The following NCOA7 variants were observed in gnomAD, a reference collection of about 807,000 sequenced individuals.
NCOA7 encodes the protein 140 kDa estrogen receptor-associated protein.
A neutral mutation model predicts 104.3 loss-of-function variants in NCOA7; 45 were observed. The ratio of observed to expected loss-of-function variants is 0.43; its 90% CI spans 0.34 to 0.55. NCOA7 has a LOEUF of 0.55. Ranked by LOEUF, NCOA7 falls within the 20% of genes least tolerant of loss-of-function variation. The probability of loss-of-function intolerance (pLI) is 0.02; values close to 1 mark genes in which losing one functional copy is unlikely to be tolerated. For synonymous variants in NCOA7, 398 were observed against 402.3 expected, an observed-to-expected ratio of 0.99 and a Z score of 0.13; for missense variants, 1,041 against 1,119.7, an observed-to-expected ratio of 0.93 and a Z score of 1.00.
intron 3 of NCOA7, among the ~76,000 whole-genome samples, chr6:125,868,907 G>T (rs1782649979): frequency 6.6e-6 from 1 of 152,188 alleles, no homozygotes; most frequent in Non-Finnish European, 1.5e-5. Context: ...GGAGGAGAGA[G>T]CTGGTCGTTC....
At chr6:125,845,717 A>G (rs1360976247) in intron 2 of NCOA7, among the ~76,000 whole-genome samples, 5 of 152,176 alleles carry the variant, frequency 3.3e-5, no homozygotes, top group African/African-American at 1.2e-4. Context: ...CAGTGAGCCA[A>G]GATCGCGCCA....
At chr6:125,928,456 C>T (rs910212978) in intron 15 of NCOA7, among the ~76,000 whole-genome samples, 180 bp from the exon 16 acceptor site, 10 of 152,110 alleles carry the variant, frequency 6.6e-5, no homozygotes, top group East Asian at 5.8e-4. Context: ...ACTGTTACCA[C>T]TTGTCTTTTA....
Position 125,889,141 on chromosome 6 carries a change from T to G in NCOA7, c.1087T>G (p.Ser363Ala). ...KSTGHTPTKP[S>A]GSSVSEKLKK... is the part of the protein sequence containing the mutation. ...CACAGGACATACACCTACAAAGCCC[T>G]CAGGCAGCTCTGTGTCAGAGAAATT... The change falls in exon 9 of 16, where the codon TCA (serine) becomes GCA (alanine). Residue 363 changes from serine to alanine, a missense_variant. Around this residue, in one of 2 missense-constraint regions of NCOA7, gnomAD observed 914 missense variants for 942.7 expected, o/e 0.97. Transcript: ENST00000392477. The G allele has an allele frequency of 1.2e-6, 2 of 1,614,158 alleles. No individual in the cohort carries two copies. The highest frequency in any genetic ancestry group is 1.7e-4 in the Middle Eastern group (1 of 6,060).
At chr6:125,807,446 G>T (rs987064412) in intron 1 of NCOA7, among the ~76,000 whole-genome samples, 4 of 152,082 alleles carry the variant, frequency 2.6e-5, no homozygotes, top group Admixed American at 1.3e-4. Flanking sequence ...TCGAGGTGAG[G>T]GGGAGGAAGG....
At chr6:125,881,245 C>T in intron 6 of NCOA7, 42 bp downstream of exon 6, 2 of 1,335,422 alleles carry the variant, frequency 1.5e-6, no homozygotes, top group Non-Finnish European at 2.2e-6. Context: ...ATTAAAGAGA[C>T]TTCTTTTAAG....
At position 125,919,335 on chromosome 6, in the gene NCOA7, G is replaced by A. The variant is rs767662576; in HGVS notation, c.2245-1608G>A. On this transcript the variant is annotated intron_variant, in intron 11 of 15. Transcript: ENST00000392477. ...AAACTTGTTCCTCATTAGAGAGAGA[G>A]CCACACTTCTCACTGCTCACAATGA... 4.3e-6 allele frequency: 7 copies of A among 1,612,686 alleles called. No homozygotes were observed. In the East Asian group the frequency reaches 1.6e-4, roughly 36 times the overall value.
At chr6:125,845,812 A>G (rs1442748635) in intron 2 of NCOA7, among the ~76,000 whole-genome samples, 3 of 151,886 alleles carry the variant, frequency 2.0e-5, no homozygotes, top group African/African-American at 4.8e-5. Flanking sequence ...TCATTGACCA[A>G]CCGTTTTCTC....
chr6:125,846,042 C>T (rs1179546669), intron 2 of NCOA7, among the ~76,000 whole-genome samples: 1 of 152,102 alleles, frequency 6.6e-6, no homozygotes, highest in Non-Finnish European at 1.5e-5. Context: ...TGAAAGAAGA[C>T]TTTCATGGGT....
At chr6:125,875,066 G>T in intron 4 of NCOA7, 98 bp downstream of exon 4, 1 of 844,908 alleles carries the variant, frequency 1.2e-6, no homozygotes, top group Non-Finnish European at 1.9e-6. Flanking sequence ...CATTCCTCTT[G>T]TGTACCCATT....
chr6:125,926,639 TAGAA>T (rs1229776263), intron 13 of NCOA7, among the ~76,000 whole-genome samples: 2 of 152,208 alleles, frequency 1.3e-5, no homozygotes. Context: ...AAATACTGGT[TAGAA>T]AGAGTTTCTA....
chr6:125,804,396 T>C (rs780546794), intron 1 of NCOA7, among the ~76,000 whole-genome samples: 5 of 152,110 alleles, frequency 3.3e-5, no homozygotes, highest in Non-Finnish European at 7.4e-5. Flanking sequence ...CCACTGTGGG[T>C]GAGGCAGGCA....
At chr6:125,857,428 C>CAT (rs200023887) in intron 3 of NCOA7, among the ~76,000 whole-genome samples, 28 of 129,350 alleles carry the variant, frequency 2.2e-4, no homozygotes, top group Non-Finnish European at 2.9e-4. Context: ...CACACACACA[C>CAT]ATATATATAT....
chr6:125,829,824 A>G (rs2128590324), intron 2 of NCOA7, among the ~76,000 whole-genome samples: 1 of 152,326 alleles, frequency 6.6e-6, no homozygotes, highest in African/African-American at 2.4e-5. Context: ...TAATTGAGAG[A>G]TTAGAAAGAA....
chr6:125,824,071 T>A lies in NCOA7; in HGVS notation c.50+8667T>A, dbSNP rs58118457. Among the ~76,000 whole-genome samples, 1,091 of 152,238 alleles carry A rather than the reference T, an allele frequency of 7.2e-3. 8 individuals carry two copies. Among genetic ancestry groups the A allele is most frequent in the African/African-American group, 0.024 (1,012 of 41,542 alleles). On this transcript the variant is annotated intron_variant, in intron 2 of 15. Transcript: ENST00000392477. Reference sequence around the variant, plus strand: ...ATATTGGGAGTGAGGGTTTTTTTTTTATCATTCAAAAATGAATTTATTTGA... The same window carrying A: ...ATATTGGGAGTGAGGGTTTTTTTTTAATCATTCAAAAATGAATTTATTTGA...
chr6:125,869,300 G>A (rs1052741786), intron 3 of NCOA7, among the ~76,000 whole-genome samples: 4 of 152,080 alleles, frequency 2.6e-5, no homozygotes, highest in African/African-American at 4.8e-5. Flanking sequence ...TAGCCAGTTC[G>A]TTTCTTGACA....
At chr6:125,822,776 A>G (rs1324964728) in intron 2 of NCOA7, among the ~76,000 whole-genome samples, 1 of 152,108 alleles carries the variant, frequency 6.6e-6, no homozygotes, top group East Asian at 1.9e-4. Flanking sequence ...CTCTACTAAA[A>G]ATACAAAAAT....
At position 125,889,020 on chromosome 6, in the gene NCOA7, C is replaced by T. The variant is rs1465847087; in HGVS notation, c.966C>T (p.Phe322=). 6.2e-7 allele frequency: 1 copy of T among 1,613,960 alleles called. No individual in the cohort carries two copies. The highest frequency in any genetic ancestry group is 1.1e-5 in the South Asian group (1 of 91,062). Residue 322 remains phenylalanine (F), a synonymous_variant, in exon 9 of 16, where the codon TTC becomes TTT. Transcript: ENST00000392477. ...CTTCAGAAAAGGATATCAACCCATT[C>T]AGTAAGTTCAAATCTATCAACAAGG... is the stretch of plus-strand genomic sequence containing the variant. ...DLASEKDINP[F]SKFKSINKEK...
At chr6:125,918,951 G>A (rs1787318772) in intron 11 of NCOA7, among the ~76,000 whole-genome samples, 1 of 151,138 alleles carries the variant, frequency 6.6e-6, no homozygotes, top group Non-Finnish European at 1.5e-5. Context: ...TGGGGGCGGG[G>A]GAGAAAAAAA....
chr6:125,920,092 A>G (rs939413903), intron 11 of NCOA7, among the ~76,000 whole-genome samples: 4 of 152,260 alleles, frequency 2.6e-5, no homozygotes, highest in African/African-American at 9.6e-5. Context: ...GAGTAAAATG[A>G]ACTTTGGTAA....
Sources: gnomAD v4.1 joint callset for allele counts (sites outside exome capture counted in the v4.1 genomes callset) on GRCh38, gnomAD v4.1.1 for gene constraint, gnomAD v4.1.1 regional missense constraint, MANE v1.5 for transcripts, NCBI Gene and HGNC (gene_info 2026-07-23, HGNC 2026-07-21) for gene names.